Variants in TSBP1 observed in about 807,000 individuals in gnomAD.
TSBP1 encodes testis-expressed basic protein 1.
In TSBP1, 56 loss-of-function variants were observed where a neutral mutation model predicts 68.8. The ratio of observed to expected loss-of-function variants is 0.81; its 90% confidence interval spans 0.66 to 1.02. The LOEUF (loss-of-function observed/expected upper bound fraction) is 1.02, where lower values mean the gene tolerates loss of function less well. TSBP1 is among the 50% of genes least tolerant of loss of function. The pLI is 0.00. For synonymous variants in TSBP1, 171 were observed against 208.7 expected, an observed-to-expected ratio of 0.82 and a Z score of 1.56; for missense variants, 502 against 641.2, an observed-to-expected ratio of 0.78 and a Z score of 2.34.
At chr6:32,324,953 A>G (rs1768053538) in intron 16 of TSBP1, among the ~76,000 whole-genome samples, 1 of 152,186 alleles carries the variant, frequency 6.6e-6, no homozygotes, top group African/African-American at 2.4e-5. Flanking sequence ...CCACAGAGAA[A>G]CAAATAAATA....
chr6:32,343,093 T>C lies in TSBP1; in HGVS notation c.350-3455A>G. The C allele has an allele frequency of 2.3e-6, 1 of 439,786 alleles. No individual in the cohort carries two copies. The highest frequency in any genetic ancestry group is 4.0e-6 in the Non-Finnish European group (1 of 248,140). The allele number at this position is 439,786 out of a possible 1,614,324, so 27.2% of individuals were successfully genotyped here. ...GGCATGATCCAGTTAAGATGGCTAA[T>C]GAAGGACAAGGTGGAGAATTATGAG... On this transcript the variant is annotated intron_variant, in intron 9 of 22. Transcript: ENST00000612031. This position sits in a 1 kb window ranked among gnomAD's most constrained non-coding sequence, Gnocchi z 4.3.
exon 23 of TSBP1, chr6:32,293,731 A>T: frequency 6.2e-7 from 1 of 1,612,754 alleles, no homozygotes; most frequent in South Asian, 1.1e-5. Flanking sequence ...CTTGTGGTAT[A>T]CTCATCTCAC....
rs1203602083 is a variant in TSBP1, at chr6:32,333,839, G to C, written c.472+1598C>G. Reference sequence around the variant, plus strand: ...TCAGAATGAGAAATATCCACATTTTGATCAATAATCCTCGAACTTTTAACT... The same window carrying C: ...TCAGAATGAGAAATATCCACATTTTCATCAATAATCCTCGAACTTTTAACT... On this transcript the variant is annotated intron_variant, in intron 14 of 22. Coordinates refer to ENST00000612031, the Ensembl canonical transcript of TSBP1. This position sits in a 1 kb window ranked among gnomAD's most constrained non-coding sequence, Gnocchi z 4.2. The C allele has an allele frequency of 6.3e-6, 1 of 158,970 alleles. No homozygotes were observed. Among genetic ancestry groups the C allele is most frequent in the Non-Finnish European group, 1.4e-5 (1 of 70,948 alleles). 9.8% of individuals were successfully genotyped at this position (158,970 alleles called of 1,614,324 possible). A position where few individuals can be genotyped will look rare whatever the true frequency, so the allele number is the denominator to read the frequency against.
At chr6:32,346,476 T>A (rs746576182) in intron 9 of TSBP1, among the ~76,000 whole-genome samples, 4 of 152,194 alleles carry the variant, frequency 2.6e-5, no homozygotes, top group Non-Finnish European at 4.4e-5. Context: ...CAGCAAATTT[T>A]CCTGTATCTT....
At chr6:32,293,900 A>G in exon 23 of TSBP1, 1 of 1,612,902 alleles carries the variant, frequency 6.2e-7, no homozygotes, top group African/African-American at 1.3e-5. Context: ...ATTCGTAAAT[A>G]TGATGTCATT....
intron 6 of TSBP1, among the ~76,000 whole-genome samples, chr6:32,362,007 C>T (rs947355621): frequency 2.6e-5 from 4 of 151,916 alleles, no homozygotes; most frequent in Non-Finnish European, 2.9e-5. Flanking sequence ...AGAAGAGGAA[C>T]GGGCCGGGCG....
rs1286036986 is a variant in TSBP1, at chr6:32,315,375, C to T, written c.580+397G>A. On this transcript the variant is annotated intron_variant, in intron 19 of 22. Transcript: ENST00000612031. This position sits in a 1 kb window ranked among gnomAD's most constrained non-coding sequence, Gnocchi z 5.4. ...GTCAGGAGTTCAAGAACAGCCTGGCCAAATGAGGAAACCCTGTCTCTACTA... is the reference window on the plus strand; with the variant it reads ...GTCAGGAGTTCAAGAACAGCCTGGCTAAATGAGGAAACCCTGTCTCTACTA... Among the ~76,000 whole-genome samples the T allele has an allele frequency of 6.6e-6, 1 of 152,006 alleles. No homozygotes were observed. Among genetic ancestry groups the T allele is most frequent in the Non-Finnish European group, 1.5e-5 (1 of 68,014 alleles).
rs1765784781 is a variant in TSBP1 at position 32,306,394 on chromosome 6, T to C, written c.581-3765A>G. Among the ~76,000 whole-genome samples, 1 of 152,006 alleles carries C rather than the reference T, an allele frequency of 6.6e-6. No homozygotes were observed. The highest frequency in any genetic ancestry group is 1.5e-5 in the Non-Finnish European group (1 of 67,982). On this transcript the variant is annotated intron_variant, in intron 19 of 22. Coordinates refer to ENST00000612031, the Ensembl canonical transcript of TSBP1. This position sits in a 1 kb window ranked among gnomAD's most constrained non-coding sequence, Gnocchi z 5.1. ...TAATTTCCCCATATCCCCCCTCCCA[T>C]AGAAACCCTCCAGCCAGCCTGAAAG...
rs1769520291 is a variant in TSBP1, at chr6:32,335,357, A to G, written c.472+80T>C. ...GGACTTGATCCTTGAGTCCTTGGGC[A>G]TGAATAATTGAAATAAAAATAGATT... On this transcript the variant is annotated intron_variant, in intron 14 of 22. Coordinates refer to ENST00000612031, the Ensembl canonical transcript of TSBP1. This position sits in a 1 kb window ranked among gnomAD's most constrained non-coding sequence, Gnocchi z 5.5. 2.2e-6 allele frequency: 3 copies of G among 1,346,002 alleles called. No homozygotes were observed. Among genetic ancestry groups the G allele is most frequent in the Non-Finnish European group, 3.0e-6 (3 of 1,007,982 alleles). The allele number at this position is 1,346,002 out of a possible 1,614,324, so 83.4% of individuals were successfully genotyped here.
At chr6:32,310,395 T>C (rs1379151682) in intron 19 of TSBP1, among the ~76,000 whole-genome samples, 5 of 152,188 alleles carry the variant, frequency 3.3e-5, no homozygotes, top group African/African-American at 1.2e-4. Flanking sequence ...TTACCTGACA[T>C]TTATTCTTTT....
At chr6:32,348,632 G>A (rs1336143113) in intron 9 of TSBP1, among the ~76,000 whole-genome samples, 1 of 152,060 alleles carries the variant, frequency 6.6e-6, no homozygotes, top group Non-Finnish European at 1.5e-5. Context: ...GATGTCCTGG[G>A]GGTAGTTGGA....
intron 1 of TSBP1, 51 bp from the exon 2 acceptor site, chr6:32,370,034 C>T: frequency 8.4e-7 from 1 of 1,185,544 alleles, no homozygotes; most frequent in Non-Finnish European, 1.3e-6. Context: ...CAGGAAATTA[C>T]CAGAAACAAC....
chr6:32,365,275 G>A lies in TSBP1; in HGVS notation c.217+892C>T, dbSNP rs1773560125. ...GAGAGCCTTCCCTTTGTTTTCCCTAGGGTGGTGCTCTGGAATTCTCAAGTT... is the reference window on the plus strand; with the variant it reads ...GAGAGCCTTCCCTTTGTTTTCCCTAAGGTGGTGCTCTGGAATTCTCAAGTT... On this transcript the variant is annotated intron_variant, in intron 6 of 22. Transcript: ENST00000612031. This position sits in a 1 kb window ranked among gnomAD's most constrained non-coding sequence, Gnocchi z 4.3. 2.2e-6 allele frequency: 1 copy of A among 456,362 alleles called. No homozygotes were observed. Among genetic ancestry groups the A allele is most frequent in the Admixed American group, 2.4e-5 (1 of 42,550 alleles). 28.3% of individuals were successfully genotyped at this position (456,362 alleles called of 1,614,324 possible).
Position 32,337,680 on chromosome 6 carries a change from A to G in TSBP1, c.410-1045T>C, listed in dbSNP as rs1769833558. On this transcript the variant is annotated intron_variant, in intron 11 of 22. Transcript: ENST00000612031. This position sits in a 1 kb window ranked among gnomAD's most constrained non-coding sequence, Gnocchi z 5.5. The stretch of plus-strand genomic sequence containing the variant: ...TCTTTATGACCACACACACACATAC[A>G]CATACACACACACACACCCCACCAC... 6.6e-6 allele frequency among the ~76,000 whole-genome samples: 1 copy of G among 152,108 alleles called. No individual in the cohort carries two copies. The highest frequency in any genetic ancestry group is 6.6e-5 in the Admixed American group (1 of 15,260).
chr6:32,366,253 T>C lies in TSBP1; in HGVS notation c.196+20A>G. The C allele has an allele frequency of 6.3e-7, 1 of 1,593,936 alleles. No individual in the cohort carries two copies. Among genetic ancestry groups the C allele is most frequent in the South Asian group, 1.2e-5 (1 of 86,574 alleles). ...ATAAACAGACTCCTATATTAATTTCTTAGCAATACAATAATTTACCACTTT... is the reference window on the plus strand; with the variant it reads ...ATAAACAGACTCCTATATTAATTTCCTAGCAATACAATAATTTACCACTTT... On this transcript the variant is annotated intron_variant, in intron 5 of 22. Coordinates refer to ENST00000612031, the Ensembl canonical transcript of TSBP1.
chr6:32,307,503 A>C (rs1765882282), intron 19 of TSBP1, among the ~76,000 whole-genome samples: 1 of 152,066 alleles, frequency 6.6e-6, no homozygotes, highest in African/African-American at 2.4e-5. Flanking sequence ...AATCTTTTCC[A>C]TCTGTGCTTG....
chr6:32,326,414 C>A (rs1768223035), intron 16 of TSBP1, among the ~76,000 whole-genome samples: 1 of 151,980 alleles, frequency 6.6e-6, no homozygotes, highest in Non-Finnish European at 1.5e-5. Flanking sequence ...TAAAGCATTC[C>A]GACAAAGGGT....
chr6:32,309,573 G>A (rs1429884927), intron 19 of TSBP1, among the ~76,000 whole-genome samples: 2 of 144,952 alleles, frequency 1.4e-5, no homozygotes, highest in African/African-American at 2.5e-5. Flanking sequence ...TGATGATATT[G>A]TTCTGTTGTA....
At chr6:32,322,989 A>T (rs1349125268) in intron 18 of TSBP1, 128 bp downstream of exon 19, 10 of 646,082 alleles carry the variant, frequency 1.5e-5, no homozygotes, top group East Asian at 5.5e-5. Context: ...TTAGTATTTT[A>T]AAAAAATTAT....
Sources: gnomAD v4.1 joint callset for allele counts (sites outside exome capture counted in the v4.1 genomes callset) on GRCh38, gnomAD v4.1.1 for gene constraint, Gnocchi (gnomAD v3.1) non-coding constraint, MANE v1.5 for transcripts, NCBI Gene and HGNC (gene_info 2026-07-23, HGNC 2026-07-21) for gene names.